STEEP1: variants seen among roughly 807,000 people sequenced by gnomAD.
STEEP1 encodes the protein STING ER exit protein.
In STEEP1, 3 loss-of-function variants were observed where a neutral mutation model predicts 19.2. The observed-to-expected ratio is 0.16, with a 90% confidence interval of 0.07 to 0.40. The LOEUF (loss-of-function observed/expected upper bound fraction) is 0.40. Among genes scored for constraint, STEEP1 ranks in the 10% least tolerant of loss-of-function variants. The pLI, the probability that STEEP1 is intolerant of heterozygous loss-of-function variation, is 0.99. For synonymous variants in STEEP1, 46 were observed against 63.7 expected (o/e 0.72, Z 1.32); for missense variants, 54 against 177.1 (o/e 0.30, Z 3.94).
intron 2 of STEEP1, among the ~76,000 whole-genome samples, chrX:119,547,088 G>C (rs189484673): frequency 8.9e-6 from 1 of 111,978 alleles, no homozygotes; most frequent in Non-Finnish European, 1.9e-5. Context: ...TATAAGCAAA[G>C]AACTCTGACT....
At chrX:119,543,936 C>CA (rs959307149) in intron 4 of STEEP1, among the ~76,000 whole-genome samples, 30 of 111,978 alleles carry the variant, frequency 2.7e-4, no homozygotes, top group African/African-American at 9.1e-4. Context: ...AGTCATGAGG[C>CA]AACTGTAGGA....
chrX:119,557,946 C>T (rs1367421617), intron 2 of STEEP1, among the ~76,000 whole-genome samples: 2 of 110,575 alleles, frequency 1.8e-5, no homozygotes, highest in African/African-American at 6.6e-5. Flanking sequence ...CTCACTCTGT[C>T]GCCCAGGCTG....
chrX:119,563,548 CAAAAAAAAAAAGAA>C (rs2053336082), intron 1 of STEEP1, among the ~76,000 whole-genome samples: 1 of 55,147 alleles, frequency 1.8e-5, no homozygotes, highest in Non-Finnish European at 3.4e-5. Flanking sequence ...AACTCCATCT[CAAAAAAAAAAAGAA>C]AAAAAAAAAA....
At chrX:119,550,141 G>C (rs188321586) in intron 2 of STEEP1, among the ~76,000 whole-genome samples, 1 of 112,141 alleles carries the variant, frequency 8.9e-6, no homozygotes, top group Admixed American at 9.5e-5. Flanking sequence ...AATATTCCTC[G>C]AATGAATTTC....
At position 119,546,729 on chromosome X, in the gene STEEP1, T is replaced by C. The variant is rs970444097; in HGVS notation, c.243-1225A>G. Among the ~76,000 whole-genome samples, 3 of 111,245 alleles carry C rather than the reference T, an allele frequency of 2.7e-5. No individual in the cohort carries two copies. In the South Asian group the frequency reaches 1.1e-3, roughly 41 times the overall value. On this transcript the variant is annotated intron_variant, in intron 2 of 6. Coordinates refer to ENST00000644802, the MANE Select transcript of STEEP1 (RefSeq NM_022101.4). ...GAAACCTGGGACTCATCCTTGATTC[T>C]TCTCTTCCCCTCATCTCCCACACTT...
intron 2 of STEEP1, among the ~76,000 whole-genome samples, chrX:119,546,238 C>A (rs189282420): frequency 1.0e-4 from 11 of 109,837 alleles, no homozygotes; most frequent in South Asian, 3.9e-4. Context: ...GTAAGGAGTT[C>A]GAGACTATCC....
chrX:119,563,415 G>A lies in STEEP1; in HGVS notation c.124+1817C>T, dbSNP rs138413068. On this transcript the variant is annotated intron_variant, in intron 1 of 6. Coordinates refer to ENST00000644802, the MANE Select transcript of STEEP1 (RefSeq NM_022101.4). ...AATACAAAATTAGCCGGGCGTGGTG[G>A]CACATGCCTGTAATCCCAGCTACTA... is the stretch of plus-strand genomic sequence containing the variant. Among the ~76,000 whole-genome samples, 913 of 110,877 alleles carry A rather than the reference G, an allele frequency of 8.2e-3. 11 individuals carry two copies. Among genetic ancestry groups the A allele is most frequent in the African/African-American group, 0.029 (880 of 30,410 alleles).
Position 119,539,510 on chromosome X carries a change from G to A in STEEP1, c.*217C>T, listed in dbSNP as rs767185902. 2.6e-3 allele frequency: 815 copies of A among 316,108 alleles called. 9 individuals carry two copies. The highest frequency in any genetic ancestry group is 6.2e-3 in the Middle Eastern group (7 of 1,128). 26.1% of individuals were successfully genotyped at this position (316,108 alleles called of 1,213,427 possible). ...CGCACCACTGCACTCCATCCTGGGC[G>A]AAAGAGCAAGACTTTATCTCAAAAA... is the stretch of plus-strand genomic sequence containing the variant. On this transcript the variant is annotated 3_prime_UTR_variant, in exon 7 of 7. Coordinates refer to ENST00000644802, the MANE Select transcript of STEEP1 (RefSeq NM_022101.4).
intron 2 of STEEP1, 100 bp from the exon 3 acceptor site, chrX:119,545,604 T>C: frequency 1.7e-6 from 1 of 588,709 alleles, no homozygotes. Flanking sequence ...TTTCAAAAGT[T>C]TTCATTTGGG....
intron 1 of STEEP1, among the ~76,000 whole-genome samples, chrX:119,563,655 AG>A (rs1305412897): frequency 9.0e-6 from 1 of 111,200 alleles, no homozygotes; most frequent in East Asian, 2.8e-4. Context: ...AGTTGCAGTG[AG>A]CTGAGACCGC....
At chrX:119,555,804 TGATGGTGG>T (rs2053274553) in intron 2 of STEEP1, among the ~76,000 whole-genome samples, 1 of 110,679 alleles carries the variant, frequency 9.0e-6, no homozygotes, top group African/African-American at 3.3e-5. Flanking sequence ...ATGCAGGGGA[TGATGGTGG>T]GATGGTGGGG....
chrX:119,539,438 G>A lies in STEEP1; in HGVS notation c.*289C>T, dbSNP rs1226748048. ...CCCAGCTACTCAGGAGGCTGAGGCA[G>A]GAGAACTGCTTGAACCCGGGAGGCG... On this transcript the variant is annotated 3_prime_UTR_variant, in exon 7 of 7. Transcript: ENST00000644802. 1 of 188,836 alleles carries A rather than the reference G, an allele frequency of 5.3e-6. No homozygotes were observed. Among genetic ancestry groups the A allele is most frequent in the Non-Finnish European group, 9.9e-6 (1 of 101,229 alleles). 15.6% of individuals were successfully genotyped at this position (188,836 alleles called of 1,213,427 possible). A position where few individuals can be genotyped will look rare whatever the true frequency, so the allele number is the denominator to read the frequency against.
intron 2 of STEEP1, among the ~76,000 whole-genome samples, chrX:119,550,428 T>G (rs770803927): frequency 5.1e-4 from 57 of 111,311 alleles, no homozygotes; most frequent in Non-Finnish European, 9.4e-4. Flanking sequence ...GGTTAACTGA[T>G]TTTCAACAAG....
chrX:119,542,045 CTTTTCTTTTCTTTTT>C (rs1569397514), intron 5 of STEEP1, among the ~76,000 whole-genome samples: 10 of 59,211 alleles, frequency 1.7e-4, no homozygotes, highest in African/African-American at 7.0e-4. Context: ...GTCAGAGTTT[CTTTTCTTTTCTTTTT>C]TTTTTTTTTT....
chrX:119,549,386 ACAT>A (rs1206402366), intron 2 of STEEP1, among the ~76,000 whole-genome samples: 1 of 111,988 alleles, frequency 8.9e-6, no homozygotes, highest in Non-Finnish European at 1.9e-5. Context: ...AAAAATTAAC[ACAT>A]CATATTGATA....
chrX:119,539,621 G>T lies in STEEP1; in HGVS notation c.*106C>A. Reference sequence around the variant, plus strand: ...GAGAATCAATGGGAAACAACGTAAAGCCTTCTGCTAGGGCATAAATAGGAA... The same window carrying T: ...GAGAATCAATGGGAAACAACGTAAATCCTTCTGCTAGGGCATAAATAGGAA... On this transcript the variant is annotated 3_prime_UTR_variant, in exon 7 of 7. Transcript: ENST00000644802. The T allele has an allele frequency of 1.8e-6, 1 of 570,630 alleles. No homozygotes were observed. Among genetic ancestry groups the T allele is most frequent in the Non-Finnish European group, 2.9e-6 (1 of 345,504 alleles). 47.0% of individuals were successfully genotyped at this position (570,630 alleles called of 1,213,427 possible).
chrX:119,545,385 T>C (rs778042405), intron 3 of STEEP1, 78 bp downstream of exon 3: 17 of 645,216 alleles, frequency 2.6e-5, no homozygotes, highest in Non-Finnish European at 3.8e-5. Flanking sequence ...TGGAGAGTTG[T>C]ATCCAAATAA....
intron 4 of STEEP1, 108 bp downstream of exon 4, chrX:119,544,245 A>G: frequency 3.5e-6 from 2 of 564,078 alleles, no homozygotes; most frequent in Non-Finnish European, 5.3e-6. Context: ...AAAAAGAAAT[A>G]AAAAGAATAC....
chrX:119,542,997 C>CAAAAAAAAAAAAAAAAAA (rs60574433), intron 4 of STEEP1, among the ~76,000 whole-genome samples: 3 of 47,929 alleles, frequency 6.3e-5, no homozygotes, highest in Non-Finnish European at 1.1e-4. Flanking sequence ...CTGGGTCTCG[C>CAAAAAAAAAAAAAAAAAA]AAAAAAAAAA....
Sources: allele counts gnomAD v4.1 joint callset (sites outside exome capture counted in the v4.1 genomes callset), GRCh38; gene constraint gnomAD v4.1.1; transcripts MANE v1.5; gene names NCBI Gene and HGNC (gene_info 2026-07-23, HGNC 2026-07-21).